SOX9: variants seen among roughly 807,000 people sequenced by gnomAD.
The protein encoded by SOX9 is SRY-box transcription factor 9.
SOX9 carries 2 observed loss-of-function variants against 44.8 expected under a neutral mutation model. The observed-to-expected ratio is 0.04, with a 90% CI of 0.02 to 0.14. The LOEUF (loss-of-function observed/expected upper bound fraction) is 0.14. Ranked by LOEUF, SOX9 falls within the 10% of genes least tolerant of loss-of-function variation. The pLI, the probability that SOX9 is intolerant of heterozygous loss-of-function variation, is 1.00. For synonymous variants in SOX9, 381 were observed against 331.8 expected, an observed-to-expected ratio of 1.15 and a Z score of -1.61; for missense variants, 583 against 728.6, an observed-to-expected ratio of 0.80 and a Z score of 2.30.
Position 72,124,291 on chromosome 17 carries a change from C to G in SOX9, c.1434C>G (p.Thr478=), listed in dbSNP as rs1908214687. 1 of 1,610,256 alleles carries G rather than the reference C, an allele frequency of 6.2e-7. No homozygotes were observed. The highest frequency in any genetic ancestry group is 8.5e-7 in the Non-Finnish European group (1 of 1,180,002). ...ACCCCGCTCAGCGCCCCATGTACACCCCCATCGCCGACACCTCTGGGGTCC... is the reference window on the plus strand; with the variant it reads ...ACCCCGCTCAGCGCCCCATGTACACGCCCATCGCCGACACCTCTGGGGTCC... The part of the protein sequence containing the change: ...YMNPAQRPMY[T]PIADTSGVPS... Residue 478 remains threonine, a synonymous_variant, in exon 3 of 3, where the codon ACC becomes ACG. Coordinates refer to ENST00000245479, the MANE Select transcript of SOX9 (RefSeq NM_000346.4). This position sits in a 1 kb window ranked among gnomAD's most constrained non-coding sequence, Gnocchi z 4.6.
At position 72,123,990 on chromosome 17, in the gene SOX9, A is replaced by T. The variant is rs763307623; in HGVS notation, c.1133A>T (p.Gln378Leu). ...CCGGCGGCACCCCCGCAGCAGCCACAGGCGCACACGCTGACCACGCTGAGC... is the reference window on the plus strand; with the variant it reads ...CCGGCGGCACCCCCGCAGCAGCCACTGGCGCACACGCTGACCACGCTGAGC... ...QQPAAPPQQP[Q>L]AHTLTTLSSE... The change falls in exon 3 of 3, where the codon CAG becomes CTG. Residue 378 changes from glutamine (Q) to leucine (L), a missense_variant. This residue lies in a region of SOX9 where 349 missense variants were observed against 387.0 expected (regional missense o/e 0.90). Coordinates refer to ENST00000245479, the MANE Select transcript of SOX9 (RefSeq NM_000346.4). The surrounding 1 kb of genome is among the most constrained non-coding windows in gnomAD (Gnocchi z 6.5). 8.3e-6 allele frequency: 13 copies of T among 1,567,542 alleles called. No homozygotes were observed. The highest frequency in any genetic ancestry group is 1.1e-5 in the Non-Finnish European group (13 of 1,159,194).
Position 72,121,745 on chromosome 17 carries a change from G to C in SOX9, c.354G>C (p.Ala118=). 2 of 1,603,164 alleles carry C rather than the reference G, an allele frequency of 1.2e-6. No homozygotes were observed. The highest frequency in any genetic ancestry group is 1.7e-6 in the Non-Finnish European group (2 of 1,175,352). Residue 118 remains alanine (A), a synonymous_variant, in exon 1 of 3, where the codon GCG becomes GCC. Coordinates refer to ENST00000245479, the MANE Select transcript of SOX9 (RefSeq NM_000346.4). The surrounding 1 kb of genome is among the most constrained non-coding windows in gnomAD (Gnocchi z 8.3). ...ACGCCTTCATGGTGTGGGCGCAGGCGGCGCGCAGGAAGCTCGCGGACCAGT... is the reference window on the plus strand; with the variant it reads ...ACGCCTTCATGGTGTGGGCGCAGGCCGCGCGCAGGAAGCTCGCGGACCAGT... ...PMNAFMVWAQ[A]ARRKLADQYP...
rs2143257031 is a variant in SOX9, at chr17:72,124,201, C to T, written c.1344C>T (p.Ser448=). ...ACGACTACACCGACCACCAGAACTCCAGCTCCTACTACAGCCACGCGGCAG... is the reference window on the plus strand; with the variant it reads ...ACGACTACACCGACCACCAGAACTCTAGCTCCTACTACAGCCACGCGGCAG... ...SQYDYTDHQN[S]SSYYSHAAGQ... The change falls in exon 3 of 3, where the codon TCC becomes TCT. Residue 448 remains serine (S), a synonymous_variant. Transcript: ENST00000245479. This position sits in a 1 kb window ranked among gnomAD's most constrained non-coding sequence, Gnocchi z 4.6. 1 of 1,613,954 alleles carries T rather than the reference C, an allele frequency of 6.2e-7. No homozygotes were observed. The highest frequency in any genetic ancestry group is 8.5e-7 in the Non-Finnish European group (1 of 1,180,032).
chr17:72,122,960 G>A lies in SOX9; in HGVS notation c.673G>A (p.Gly225Ser), dbSNP rs759320911. Residue 225 changes from glycine to serine, a missense_variant, in exon 2 of 3, where the codon GGC (glycine) becomes AGC (serine). Around this residue, in one of 7 missense-constraint regions of SOX9, gnomAD observed 88 missense variants for 65.5 expected, o/e 1.34. Coordinates refer to ENST00000245479, the MANE Select transcript of SOX9 (RefSeq NM_000346.4). Reference sequence around the variant, plus strand: ...CGGCATGAGCGAGGTGCACTCCCCCGGCGAGCACTCGGGTGAGTCGCCCCT... The same window carrying A: ...CGGCATGAGCGAGGTGCACTCCCCCAGCGAGCACTCGGGTGAGTCGCCCCT... Reference protein sequence around the residue: ...SSGMSEVHSPGEHSGQSQGPP... With the variant: ...SSGMSEVHSPSEHSGQSQGPP... The A allele has an allele frequency of 2.5e-5, 41 of 1,613,378 alleles. No homozygotes were observed. Among genetic ancestry groups the A allele is most frequent in the South Asian group, 6.6e-5 (6 of 91,064 alleles).
In SOX9 at chr17:72,124,579, C is replaced by G; in HGVS notation, c.*192C>G. ...AACTCGTACCCAAATTTCCAAGACACAAACATGACCTATCCAAGCGCATTA... is the reference window on the plus strand; with the variant it reads ...AACTCGTACCCAAATTTCCAAGACAGAAACATGACCTATCCAAGCGCATTA... On this transcript the variant is annotated 3_prime_UTR_variant, in exon 3 of 3. Transcript: ENST00000245479. The surrounding 1 kb of genome is among the most constrained non-coding windows in gnomAD (Gnocchi z 4.6). 2.8e-6 allele frequency: 2 copies of G among 722,342 alleles called. No individual in the cohort carries two copies. Among genetic ancestry groups the G allele is most frequent in the South Asian group, 1.7e-5 (1 of 58,280 alleles). The allele number at this position is 722,342 out of a possible 1,614,324, so 44.7% of individuals were successfully genotyped here.
Position 72,121,682 on chromosome 17 carries a change from C to A in SOX9, c.291C>A (p.Gly97=), listed in dbSNP as rs2143239507. ...TLVPMPVRVN[G]SSKNKPHVKR... is the part of the protein sequence containing the mutation. ...TGCCCATGCCGGTGCGCGTCAACGG[C>A]TCCAGCAAGAACAAGCCGCACGTCA... Residue 97 remains glycine, a synonymous_variant, in exon 1 of 3, where the codon GGC becomes GGA. Transcript: ENST00000245479. This position sits in a 1 kb window ranked among gnomAD's most constrained non-coding sequence, Gnocchi z 8.3. 6.2e-7 allele frequency: 1 copy of A among 1,602,944 alleles called. No homozygotes were observed.
Position 72,124,454 on chromosome 17 carries a change from C to CA in SOX9, c.*69dup. Reference sequence around the variant, plus strand: ...AAAAATAACCGAAGAAAGAGAGGACCAACCAGAATTCCCTTTGGACATTTG... The same window carrying CA: ...AAAAATAACCGAAGAAAGAGAGGACCAAACCAGAATTCCCTTTGGACATTTG... On this transcript the variant is annotated 3_prime_UTR_variant, in exon 3 of 3. Coordinates refer to ENST00000245479, the MANE Select transcript of SOX9 (RefSeq NM_000346.4). This position sits in a 1 kb window ranked among gnomAD's most constrained non-coding sequence, Gnocchi z 4.6. 1 of 1,534,814 alleles carries CA rather than the reference C, an allele frequency of 6.5e-7. No homozygotes were observed. Among genetic ancestry groups the CA allele is most frequent in the African/African-American group, 1.4e-5 (1 of 73,952 alleles).
At position 72,125,748 on chromosome 17, in the gene SOX9, T is replaced by A. The variant is rs1908266226; in HGVS notation, c.*1361T>A. 1 of 226,752 alleles carries A rather than the reference T, an allele frequency of 4.4e-6. No homozygotes were observed. The highest frequency in any genetic ancestry group is 1.8e-4 in the South Asian group (1 of 5,486). The allele number at this position is 226,752 out of a possible 1,614,324, so 14.0% of individuals were successfully genotyped here. ...CACCCTAGATTTGTATAAATGCCTTTTTGTCCATCCCTTTTTTCTTTGTTG... is the reference window on the plus strand; with the variant it reads ...CACCCTAGATTTGTATAAATGCCTTATTGTCCATCCCTTTTTTCTTTGTTG... On this transcript the variant is annotated 3_prime_UTR_variant, in exon 3 of 3. Coordinates refer to ENST00000245479, the MANE Select transcript of SOX9 (RefSeq NM_000346.4).
chr17:72,123,037 C>A lies in SOX9; in HGVS notation c.685+65C>A, dbSNP rs966322887. 3 of 1,586,156 alleles carry A rather than the reference C, an allele frequency of 1.9e-6. No homozygotes were observed. In the African/African-American group the frequency reaches 4.0e-5, roughly 21 times the overall value. ...TCCCGCCTGGCACACCCCCTGCCCT[C>A]CGCCTGGGAGATTCTTCGTGGGGAC... On this transcript the variant is annotated intron_variant, in intron 2 of 2. Coordinates refer to ENST00000245479, the MANE Select transcript of SOX9 (RefSeq NM_000346.4). The surrounding 1 kb of genome is among the most constrained non-coding windows in gnomAD (Gnocchi z 6.5).
chr17:72,124,804 G>A lies in SOX9; in HGVS notation c.*417G>A. ...CAGTAATTAAAGAAAAAAGTCCTCT[G>A]TGAGGAATATTCTCTATTTTAAATA... On this transcript the variant is annotated 3_prime_UTR_variant, in exon 3 of 3. Coordinates refer to ENST00000245479, the MANE Select transcript of SOX9 (RefSeq NM_000346.4). The surrounding 1 kb of genome is among the most constrained non-coding windows in gnomAD (Gnocchi z 4.6). 2.7e-6 allele frequency: 1 copy of A among 370,220 alleles called. No individual in the cohort carries two copies. Among genetic ancestry groups the A allele is most frequent in the East Asian group, 4.5e-5 (1 of 22,096 alleles). 22.9% of individuals were successfully genotyped at this position (370,220 alleles called of 1,614,324 possible).
Position 72,124,417 on chromosome 17 carries a change from C to A in SOX9, c.*30C>A, listed in dbSNP as rs748873802. On this transcript the variant is annotated 3_prime_UTR_variant, in exon 3 of 3. Transcript: ENST00000245479. The surrounding 1 kb of genome is among the most constrained non-coding windows in gnomAD (Gnocchi z 4.6). ...GCCTCCCACGAAGGGCGAAGATGGC[C>A]GAGATGATCCTAAAAATAACCGAAG... 2 of 1,598,456 alleles carry A rather than the reference C, an allele frequency of 1.3e-6. No individual in the cohort carries two copies. The highest frequency in any genetic ancestry group is 1.7e-6 in the Non-Finnish European group (2 of 1,178,800).
At position 72,124,309 on chromosome 17, in the gene SOX9, T is replaced by C; in HGVS notation, c.1452T>C (p.Ser484=). The part of the protein sequence containing the change: ...RPMYTPIADT[S]GVPSIPQTHS... ...TGTACACCCCCATCGCCGACACCTC[T>C]GGGGTCCCTTCCATCCCGCAGACCC... is the stretch of plus-strand genomic sequence containing the variant. The change falls in exon 3 of 3, where the codon TCT becomes TCC. Residue 484 remains serine (S), a synonymous_variant. Transcript: ENST00000245479. This position sits in a 1 kb window ranked among gnomAD's most constrained non-coding sequence, Gnocchi z 4.6. 1 of 1,606,720 alleles carries C rather than the reference T, an allele frequency of 6.2e-7. No homozygotes were observed. Among genetic ancestry groups the C allele is most frequent in the South Asian group, 1.1e-5 (1 of 91,060 alleles).
At position 72,123,830 on chromosome 17, in the gene SOX9, G is replaced by C. The variant is rs2143252948; in HGVS notation, c.973G>C (p.Ala325Pro). Reference sequence around the variant, plus strand: ...GGGCAGCTACGGCATCAGCAGCACCGCGGCCACCCCGGCGAGCGCGGGCCA... The same window carrying C: ...GGGCAGCTACGGCATCAGCAGCACCCCGGCCACCCCGGCGAGCGCGGGCCA... Reference protein sequence around the residue: ...YTGSYGISSTAATPASAGHVW... With the variant: ...YTGSYGISSTPATPASAGHVW... The change falls in exon 3 of 3, where the codon GCG (alanine) becomes CCG (proline). Residue 325 changes from alanine to proline, a missense_variant. Around this residue, in one of 7 missense-constraint regions of SOX9, gnomAD observed 349 missense variants for 387.0 expected, o/e 0.90. Transcript: ENST00000245479. The surrounding 1 kb of genome is among the most constrained non-coding windows in gnomAD (Gnocchi z 6.5). 1 of 1,607,132 alleles carries C rather than the reference G, an allele frequency of 6.2e-7. No homozygotes were observed. Among genetic ancestry groups the C allele is most frequent in the South Asian group, 1.1e-5 (1 of 90,832 alleles).
At position 72,123,833 on chromosome 17, in the gene SOX9, G is replaced by A; in HGVS notation, c.976G>A (p.Ala326Thr). 1 of 1,605,452 alleles carries A rather than the reference G, an allele frequency of 6.2e-7. No individual in the cohort carries two copies. The highest frequency in any genetic ancestry group is 8.5e-7 in the Non-Finnish European group (1 of 1,176,810). The change falls in exon 3 of 3, where the codon GCC becomes ACC. Residue 326 changes from alanine to threonine, a missense_variant. Around this residue, in one of 7 missense-constraint regions of SOX9, gnomAD observed 349 missense variants for 387.0 expected, o/e 0.90. Coordinates refer to ENST00000245479, the MANE Select transcript of SOX9 (RefSeq NM_000346.4). The surrounding 1 kb of genome is among the most constrained non-coding windows in gnomAD (Gnocchi z 6.5). The part of the protein sequence containing the change: ...TGSYGISSTA[A>T]TPASAGHVWM... ...CAGCTACGGCATCAGCAGCACCGCG[G>A]CCACCCCGGCGAGCGCGGGCCACGT...
rs1481165415 is a variant in SOX9 at position 72,125,351 on chromosome 17, C to T, written c.*964C>T. The T allele has an allele frequency of 8.8e-6, 2 of 228,196 alleles. No individual in the cohort carries two copies. The highest frequency in any genetic ancestry group is 2.2e-5 in the African/African-American group (1 of 45,000). 14.1% of individuals were successfully genotyped at this position (228,196 alleles called of 1,614,324 possible). ...AAAAGGCAAGCAAAGGAGATGAAAT[C>T]TGTTCTGGGAATGTTTCAGCAGCCA... On this transcript the variant is annotated 3_prime_UTR_variant, in exon 3 of 3. Transcript: ENST00000245479.
At position 72,122,941 on chromosome 17, in the gene SOX9, G is replaced by A. The variant is rs747366415; in HGVS notation, c.654G>A (p.Met218Ile). The A allele has an allele frequency of 3.2e-5, 52 of 1,613,836 alleles. No homozygotes were observed. Among genetic ancestry groups the A allele is most frequent in the Non-Finnish European group, 3.9e-5 (46 of 1,179,990 alleles). Residue 218 changes from methionine to isoleucine, a missense_variant, in exon 2 of 3, where the codon ATG (methionine) becomes ATA (isoleucine). Met to Ile is a conservative substitution (Grantham distance 10). This residue lies in a region of SOX9 where 88 missense variants were observed against 65.5 expected (regional missense o/e 1.34). Coordinates refer to ENST00000245479, the MANE Select transcript of SOX9 (RefSeq NM_000346.4). ...QADSPHSSSG[M>I]SEVHSPGEHS... ...ACTCGCCACACTCCTCCTCCGGCAT[G>A]AGCGAGGTGCACTCCCCCGGCGAGC... is the stretch of plus-strand genomic sequence containing the variant.
intron 1 of SOX9, among the ~76,000 whole-genome samples, chr17:72,122,489 G>A (rs1405695944): frequency 6.8e-6 from 1 of 147,434 alleles, no homozygotes; most frequent in Non-Finnish European, 1.5e-5. Context: ...GGGAGGGGAG[G>A]GAGGGGGCGG....
Position 72,123,780 on chromosome 17 carries a change from CCACGCACGGCCAGGT to C in SOX9, c.927_941del (p.His310_Thr314del). 6.2e-7 allele frequency: 1 copy of C among 1,613,116 alleles called. No homozygotes were observed. Among genetic ancestry groups the C allele is most frequent in the Non-Finnish European group, 8.5e-7 (1 of 1,179,890 alleles). On this transcript the variant is annotated inframe_deletion, in exon 3 of 3. Transcript: ENST00000245479. The surrounding 1 kb of genome is among the most constrained non-coding windows in gnomAD (Gnocchi z 6.5). ...CCCAACGGCCACCCGGGGGTGCCGG[CCACGCACGGCCAGGT>C]CACCTACACGGGCAGCTACGGCATC...
intron 1 of SOX9, 44 bp from the exon 2 acceptor site, chr17:72,122,675 C>G: frequency 6.3e-7 from 1 of 1,596,650 alleles, no homozygotes; most frequent in Non-Finnish European, 8.5e-7. Context: ...TTCACTGACC[C>G]CTCTCCCTCT....
Sources: allele counts gnomAD v4.1 joint callset (sites outside exome capture counted in the v4.1 genomes callset), GRCh38; gene constraint gnomAD v4.1.1; regional missense constraint gnomAD v4.1.1; non-coding constraint Gnocchi (gnomAD v3.1); transcripts MANE v1.5; gene names NCBI Gene and HGNC (gene_info 2026-07-23, HGNC 2026-07-21).